CHN2: variants seen among roughly 807,000 people sequenced by gnomAD.
CHN2 encodes the protein beta-chimaerin.
In CHN2, 35 loss-of-function variants were observed where a neutral mutation model predicts 56.3. The observed-to-expected ratio is 0.62, with a 90% CI of 0.47 to 0.82. CHN2 has a LOEUF of 0.82. CHN2 is among the 40% of genes least tolerant of loss of function. CHN2 has a pLI of 0.00. For missense variants in CHN2, 491 were observed against 580.5 expected (o/e 0.85, Z 1.58); for synonymous variants, 210 against 212.8 (o/e 0.99, Z 0.12).
chr7:29,240,834 GTCT>G (rs1787613548), intron 1 of CHN2, among the ~76,000 whole-genome samples: 2 of 148,236 alleles, frequency 1.3e-5, no homozygotes, highest in Non-Finnish European at 1.5e-5. Context: ...CGTCGTCGTC[GTCT>G]TCGTCTTCAT....
chr7:29,374,852 C>T (rs1339075106), intron 3 of CHN2, among the ~76,000 whole-genome samples: 1 of 149,346 alleles, frequency 6.7e-6, no homozygotes, highest in Non-Finnish European at 1.5e-5. Context: ...TTCCTTCCTG[C>T]CTCCCTCCCT....
intron 1 of CHN2, among the ~76,000 whole-genome samples, chr7:29,208,318 G>A (rs1187398389): frequency 6.6e-6 from 1 of 152,070 alleles, no homozygotes; most frequent in Non-Finnish European, 1.5e-5. Flanking sequence ...CCTGAGACAG[G>A]CACCCCCACA....
chr7:29,422,330 G>A (rs74655674), intron 6 of CHN2, among the ~76,000 whole-genome samples: 4,151 of 152,230 alleles, frequency 0.027, 193 homozygotes, highest in African/African-American at 0.09. Flanking sequence ...TGCAGCAGCC[G>A]GCACCCGCCA....
chr7:29,302,213 T>C (rs1396149827), intron 1 of CHN2, among the ~76,000 whole-genome samples: 1 of 152,238 alleles, frequency 6.6e-6, no homozygotes, highest in Non-Finnish European at 1.5e-5. Context: ...TCATTTTAGC[T>C]GCCGCCACCG....
chr7:29,349,430 T>C (rs1198447415), intron 1 of CHN2, among the ~76,000 whole-genome samples: 3 of 152,208 alleles, frequency 2.0e-5, no homozygotes, highest in Non-Finnish European at 4.4e-5. Flanking sequence ...ACACAGCTAG[T>C]AAGTGACAGA....
At chr7:29,159,790 C>T (rs1294723529) in intron 2 of CHN2, among the ~76,000 whole-genome samples, 1 of 152,162 alleles carries the variant, frequency 6.6e-6, no homozygotes, top group Non-Finnish European at 1.5e-5. Flanking sequence ...ATGTAATTCA[C>T]TCATTCTTAT....
chr7:29,496,363 C>G (rs1468116176), intron 8 of CHN2, among the ~76,000 whole-genome samples: 1 of 151,848 alleles, frequency 6.6e-6, no homozygotes, highest in Non-Finnish European at 1.5e-5. Flanking sequence ...AAAAGCCATA[C>G]TTTGTCCTAC....
intron 1 of CHN2, among the ~76,000 whole-genome samples, chr7:29,289,816 CT>C (rs893929774): frequency 6.6e-5 from 10 of 152,310 alleles, no homozygotes; most frequent in Non-Finnish European, 1.2e-4. Flanking sequence ...GGAGGTTTGA[CT>C]TTAAATGTTA....
intron 6 of CHN2, among the ~76,000 whole-genome samples, chr7:29,419,953 G>T (rs978772689): frequency 6.6e-6 from 1 of 151,936 alleles, no homozygotes; most frequent in Non-Finnish European, 1.5e-5. Context: ...CCAGCTACTC[G>T]GGAGGCCGAG....
At chr7:29,427,449 CAG>C (rs1447605225) in intron 6 of CHN2, among the ~76,000 whole-genome samples, 2 of 152,098 alleles carry the variant, frequency 1.3e-5, no homozygotes, top group Non-Finnish European at 2.9e-5. Context: ...ATGGCATAAT[CAG>C]GGGAGTAACT....
At chr7:29,229,741 T>A (rs1261398704) in intron 1 of CHN2, among the ~76,000 whole-genome samples, 1 of 152,062 alleles carries the variant, frequency 6.6e-6, no homozygotes, top group South Asian at 2.1e-4. Context: ...TTAACTCTTC[T>A]AGAGGGCGGG....
rs545410119 is a variant in CHN2, at chr7:29,496,049, C to T, written c.739+13C>T. ...GTCCGGTGCTCAGGTAGACACAGAA[C>T]TTTCTTCTTTTCCAATTATATGAAA... On this transcript the variant is annotated intron_variant, in intron 8 of 12. Coordinates refer to ENST00000222792, the MANE Select transcript of CHN2 (RefSeq NM_004067.4). The T allele has an allele frequency of 1.0e-5, 16 of 1,597,956 alleles. No individual in the cohort carries two copies. In the East Asian group the frequency reaches 2.0e-4, roughly 20 times the overall value.
At chr7:29,223,001 A>G (rs1785922316) in intron 1 of CHN2, among the ~76,000 whole-genome samples, 1 of 152,184 alleles carries the variant, frequency 6.6e-6, no homozygotes, top group Non-Finnish European at 1.5e-5. Flanking sequence ...AATCTTACAC[A>G]GCAGTTGGAA....
chr7:29,406,509 G>A (rs1459693473), intron 6 of CHN2, among the ~76,000 whole-genome samples: 1 of 152,146 alleles, frequency 6.6e-6, no homozygotes, highest in Non-Finnish European at 1.5e-5. Context: ...GGAGTCCAGT[G>A]CAGCTGTCCT....
chr7:29,217,244 C>T (rs768819419), intron 1 of CHN2, among the ~76,000 whole-genome samples: 9 of 152,170 alleles, frequency 5.9e-5, no homozygotes, highest in African/African-American at 1.4e-4. Context: ...GAGTAAACCA[C>T]GGTAGTTATC....
chr7:29,437,986 C>T (rs67323120), intron 6 of CHN2, among the ~76,000 whole-genome samples: 6,481 of 152,218 alleles, frequency 0.043, 280 homozygotes, highest in African/African-American at 0.11. Flanking sequence ...GATACTTTAA[C>T]GAAGCTGTCC....
At chr7:29,317,228 G>A (rs1795016687) in intron 1 of CHN2, among the ~76,000 whole-genome samples, 2 of 152,184 alleles carry the variant, frequency 1.3e-5, no homozygotes, top group African/African-American at 2.4e-5. Context: ...GCACAGAAAT[G>A]GAAATATGTG....
intron 2 of CHN2, among the ~76,000 whole-genome samples, chr7:29,176,933 A>C (rs978042172): frequency 6.6e-6 from 1 of 152,200 alleles, no homozygotes; most frequent in Non-Finnish European, 1.5e-5. Flanking sequence ...GTTAACTTCT[A>C]AATGAATAGA....
At chr7:29,170,441 T>C (rs1478133019) in intron 2 of CHN2, among the ~76,000 whole-genome samples, 1 of 152,236 alleles carries the variant, frequency 6.6e-6, no homozygotes, top group Admixed American at 6.5e-5. Flanking sequence ...TTTTGAATAC[T>C]GCACATGTTA....
Sources: allele counts gnomAD v4.1 joint callset (sites outside exome capture counted in the v4.1 genomes callset), GRCh38; gene constraint gnomAD v4.1.1; transcripts MANE v1.5; gene names NCBI Gene and HGNC (gene_info 2026-07-23, HGNC 2026-07-21).